The following NRG2 variants were observed in gnomAD, a reference collection of about 807,000 sequenced individuals.
NRG2 encodes the protein pro-neuregulin-2, membrane-bound isoform.
Under a neutral mutation model 73.9 loss-of-function variants are expected in NRG2, and 27 were observed. That is an observed-to-expected ratio of 0.37 (90% CI 0.27 to 0.50). The LOEUF (loss-of-function observed/expected upper bound fraction) is 0.50. Among genes scored for constraint, NRG2 ranks in the 20% least tolerant of loss-of-function variants. NRG2 has a pLI of 0.96. For missense variants in NRG2, 1,126 were observed against 1,210.1 expected, an observed-to-expected ratio of 0.93 and a Z score of 1.03; for synonymous variants, 532 against 541.0, an observed-to-expected ratio of 0.98 and a Z score of 0.23.
At chr5:139,848,750 G>T in intron 9 of NRG2, 53 bp from the exon 10 acceptor site, 3 of 1,065,864 alleles carry the variant, frequency 2.8e-6, no homozygotes, top group Non-Finnish European at 3.8e-6. Context: ...CGGCGCGGGG[G>T]AGGGGGGGTT....
Position 139,848,535 on chromosome 5 carries a change from C to A in NRG2, c.1935G>T (p.Gln645His). 1 of 1,472,514 alleles carries A rather than the reference C, an allele frequency of 6.8e-7. No homozygotes were observed. Among genetic ancestry groups the A allele is most frequent in the Non-Finnish European group, 8.9e-7 (1 of 1,122,290 alleles). The allele number at this position is 1,472,514 out of a possible 1,614,324, so 91.2% of individuals were successfully genotyped here. A position where few individuals can be genotyped will look rare whatever the true frequency, so the allele number is the denominator to read the frequency against. The change falls in exon 10 of 10, where the codon CAG becomes CAT. Residue 645 changes from glutamine to histidine, a missense_variant. Gln to His is a conservative substitution (Grantham distance 24). Coordinates refer to ENST00000361474, the MANE Select transcript of NRG2 (RefSeq NM_004883.3). ...GGGGCGCCGGGTGCCGCAGTAACGG[C>A]TGCTGCTCGGCCAGGCGGTAACTGA... ...APISYRLAEQ[Q>H]PLLRHPAPPG...
chr5:139,975,079 T>G (rs893429350), intron 1 of NRG2, among the ~76,000 whole-genome samples: 1 of 152,222 alleles, frequency 6.6e-6, no homozygotes, highest in Admixed American at 6.5e-5. Context: ...ACTTGTCATG[T>G]GTACTACATG....
intron 1 of NRG2, among the ~76,000 whole-genome samples, chr5:139,917,627 G>A (rs1339671542): frequency 1.3e-5 from 2 of 152,090 alleles, no homozygotes; most frequent in Admixed American, 1.3e-4. Flanking sequence ...TTGGCCATTT[G>A]TATGTCTTCT....
chr5:139,939,035 G>GAAGGAAGGAAGGGA (rs1753155108), intron 1 of NRG2, among the ~76,000 whole-genome samples: 1 of 151,132 alleles, frequency 6.6e-6, no homozygotes, highest in African/African-American at 2.4e-5. Context: ...AGGAAAGAAG[G>GAAGGAAGGAAGGGA]AAGGAAGGAA....
chr5:140,006,680 T>TG (rs1580929469), intron 1 of NRG2, among the ~76,000 whole-genome samples: 2 of 152,312 alleles, frequency 1.3e-5, no homozygotes, highest in East Asian at 3.9e-4. Context: ...GTGAGTATGG[T>TG]GGAAGAGAAG....
chr5:139,851,856 C>G lies in NRG2; in HGVS notation c.1545-25G>C. The G allele has an allele frequency of 6.2e-7, 1 of 1,610,064 alleles. No homozygotes were observed. The highest frequency in any genetic ancestry group is 8.5e-7 in the Non-Finnish European group (1 of 1,177,232). ...TCTGGGAAGGCCAGATGGGGTGAGA[C>G]GAGGGGTCAGGAAGGGGCAGGGCGG... On this transcript the variant is annotated intron_variant, in intron 8 of 9. Transcript: ENST00000361474. The surrounding 1 kb of genome is among the most constrained non-coding windows in gnomAD (Gnocchi z 4.2).
At chr5:139,935,981 A>AAAG (rs1752825840) in intron 1 of NRG2, among the ~76,000 whole-genome samples, 2 of 151,412 alleles carry the variant, frequency 1.3e-5, no homozygotes, top group Non-Finnish European at 2.9e-5. Context: ...AAAAAGAAAG[A>AAAG]AAAAGAAAAG....
intron 1 of NRG2, among the ~76,000 whole-genome samples, chr5:140,034,038 A>C (rs1419714143): frequency 2.0e-5 from 3 of 151,606 alleles, no homozygotes; most frequent in African/African-American, 7.3e-5. Flanking sequence ...GGCTCACTGC[A>C]ACCTCTGCCT....
At chr5:139,876,601 C>A (rs1022650103) in intron 3 of NRG2, among the ~76,000 whole-genome samples, 2 of 151,980 alleles carry the variant, frequency 1.3e-5, no homozygotes, top group Admixed American at 6.6e-5. Context: ...GTGACAGTGG[C>A]GGGGTGGGAG....
At chr5:140,024,935 C>T (rs1445549646) in intron 1 of NRG2, among the ~76,000 whole-genome samples, 4 of 152,174 alleles carry the variant, frequency 2.6e-5, no homozygotes, top group East Asian at 1.9e-4. Context: ...ACCTAACAGG[C>T]TCAAACACTC....
chr5:139,921,862 G>A (rs1751690458), intron 1 of NRG2, among the ~76,000 whole-genome samples: 1 of 152,018 alleles, frequency 6.6e-6, no homozygotes, highest in South Asian at 2.1e-4. Flanking sequence ...AGGAGTTTGA[G>A]ACCAGCCTGG....
Position 140,043,193 on chromosome 5 carries a change from G to T in NRG2, c.-124C>A. The T allele has an allele frequency of 8.5e-7, 1 of 1,183,274 alleles. No homozygotes were observed. The highest frequency in any genetic ancestry group is 1.6e-5 in the South Asian group (1 of 61,622). 73.3% of individuals were successfully genotyped at this position (1,183,274 alleles called of 1,614,324 possible). The stretch of plus-strand genomic sequence containing the variant: ...CCTCTTAGCCCTCCACCGGCAGCCC[G>T]GGGAGGTGGCCCAGCTAGGGCAGGG... On this transcript the variant is annotated 5_prime_UTR_variant, in exon 1 of 10. Coordinates refer to ENST00000361474, the MANE Select transcript of NRG2 (RefSeq NM_004883.3). The surrounding 1 kb of genome is among the most constrained non-coding windows in gnomAD (Gnocchi z 6.7).
At chr5:139,999,944 CTAT>C (rs777527399) in intron 1 of NRG2, among the ~76,000 whole-genome samples, 3 of 152,198 alleles carry the variant, frequency 2.0e-5, no homozygotes, top group Non-Finnish European at 1.5e-5. Flanking sequence ...AAACATCAAA[CTAT>C]TAGCCAGAGC....
intron 1 of NRG2, among the ~76,000 whole-genome samples, chr5:140,013,133 T>C (rs1273958298): frequency 6.6e-6 from 1 of 152,146 alleles, no homozygotes; most frequent in African/African-American, 2.4e-5. Context: ...ATTGAAACGA[T>C]CAGAAGAGAA....
intron 1 of NRG2, among the ~76,000 whole-genome samples, chr5:139,952,766 T>C (rs1219285517): frequency 6.6e-6 from 1 of 152,020 alleles, no homozygotes; most frequent in Non-Finnish European, 1.5e-5. Flanking sequence ...GGTGCGTGTG[T>C]GTGTGCGTGT....
At chr5:139,952,793 G>A (rs1580805963) in intron 1 of NRG2, among the ~76,000 whole-genome samples, 1 of 152,090 alleles carries the variant, frequency 6.6e-6, no homozygotes, top group East Asian at 1.9e-4. Context: ...ATGCGTGTAT[G>A]TGCGCACGTG....
At chr5:140,025,169 C>G (rs1760589722) in intron 1 of NRG2, among the ~76,000 whole-genome samples, 1 of 152,212 alleles carries the variant, frequency 6.6e-6, no homozygotes, top group Non-Finnish European at 1.5e-5. Flanking sequence ...TAGCCCAACA[C>G]TCCTCTGGGC....
In NRG2 at chr5:139,986,779, T is replaced by G. The variant is rs1224690976; in HGVS notation, c.700+55591A>C. On this transcript the variant is annotated intron_variant, in intron 1 of 9. Transcript: ENST00000361474. ...AACTGGAGAATGGAATTTTTCCATC[T>G]TATTTATTTTGACTAATTTAAATTC... Among the ~76,000 whole-genome samples the G allele has an allele frequency of 1.3e-5, 2 of 152,238 alleles. 1 individual carries two copies. The highest frequency in any genetic ancestry group is 4.1e-4 in the South Asian group (2 of 4,832).
intron 1 of NRG2, among the ~76,000 whole-genome samples, chr5:139,911,466 C>G (rs1220978597): frequency 6.9e-6 from 1 of 145,074 alleles, no homozygotes; most frequent in African/African-American, 2.9e-5. Flanking sequence ...TCTCTCTCAG[C>G]CCCCACCTTC....
Sources: allele counts gnomAD v4.1 joint callset (sites outside exome capture counted in the v4.1 genomes callset), GRCh38; gene constraint gnomAD v4.1.1; non-coding constraint Gnocchi (gnomAD v3.1); transcripts MANE v1.5; gene names NCBI Gene and HGNC (gene_info 2026-07-23, HGNC 2026-07-21).